The following PCMTD1 variants were observed in gnomAD, a reference collection of about 807,000 sequenced individuals.
The protein encoded by PCMTD1 is protein-L-isoaspartate (D-aspartate) O-methyltransferase domain containing 1, also known as protein-L-isoaspartate O-methyltransferase domain-containing protein 1.
PCMTD1 carries 12 observed loss-of-function variants against 37.6 expected under a neutral mutation model. The observed-to-expected ratio is 0.32, with a 90% CI of 0.20 to 0.52. PCMTD1 has a LOEUF of 0.52. Ranked by LOEUF, PCMTD1 falls within the 20% of genes least tolerant of loss-of-function variation. The pLI, the probability that PCMTD1 is intolerant of heterozygous loss-of-function variation, is 0.97. For missense variants in PCMTD1, 235 were observed against 421.3 expected, an observed-to-expected ratio of 0.56 and a Z score of 3.87; for synonymous variants, 117 against 135.8, an observed-to-expected ratio of 0.86 and a Z score of 0.96.
intron 2 of PCMTD1, among the ~76,000 whole-genome samples, chr8:51,854,691 A>C (rs1039160905): frequency 1.3e-5 from 2 of 152,040 alleles, no homozygotes; most frequent in African/African-American, 2.4e-5. Context: ...ATCTTGCCCA[A>C]CACAGTGAAA....
chr8:51,876,213 T>C (rs536200708), intron 1 of PCMTD1, among the ~76,000 whole-genome samples: 2 of 152,106 alleles, frequency 1.3e-5, no homozygotes, highest in African/African-American at 4.8e-5. Flanking sequence ...ACGCATAAAA[T>C]ACTTTTGATT....
chr8:51,879,579 T>A (rs1253859656), intron 1 of PCMTD1, among the ~76,000 whole-genome samples: 1 of 152,154 alleles, frequency 6.6e-6, no homozygotes, highest in African/African-American at 2.4e-5. Context: ...AATTTACAAG[T>A]CAACAGGTTC....
At chr8:51,848,373 C>A (rs1004705508) in intron 2 of PCMTD1, among the ~76,000 whole-genome samples, 4 of 151,588 alleles carry the variant, frequency 2.6e-5, no homozygotes, top group African/African-American at 9.7e-5. Flanking sequence ...TGCATAGATA[C>A]GAGATCAATT....
chr8:51,874,451 T>C (rs969290261), intron 1 of PCMTD1, among the ~76,000 whole-genome samples: 9 of 151,942 alleles, frequency 5.9e-5, no homozygotes, highest in Admixed American at 1.3e-4. Flanking sequence ...GTCCCAGAGA[T>C]AGTCTTTGCT....
intron 2 of PCMTD1, among the ~76,000 whole-genome samples, chr8:51,847,910 T>C: frequency 8.5e-6 from 1 of 117,526 alleles, no homozygotes; most frequent in East Asian, 2.4e-4. Context: ...AGGCTTCGTC[T>C]CTACAATAAA....
Position 51,860,934 on chromosome 8 carries a change from A to C in PCMTD1, c.218T>G (p.Met73Arg). ...TCCTGGTTGAAGTTTCAATGCTTCCATAACTTCAGAATAAATGCAAGGTGC... is the reference window on the plus strand; with the variant it reads ...TCCTGGTTGAAGTTTCAATGCTTCCCTAACTTCAGAATAAATGCAAGGTGC... ...LSAPCIYSEV[M>R]EALKLQPGLS... is the part of the protein sequence containing the mutation. Residue 73 changes from methionine (M) to arginine (R), a missense_variant, in exon 2 of 6, where the codon ATG (methionine) becomes AGG (arginine). Transcript: ENST00000522514. The C allele has an allele frequency of 6.2e-7, 1 of 1,614,110 alleles. No homozygotes were observed. The highest frequency in any genetic ancestry group is 8.5e-7 in the Non-Finnish European group (1 of 1,179,954).
intron 1 of PCMTD1, among the ~76,000 whole-genome samples, chr8:51,874,867 C>G (rs963546076): frequency 3.3e-5 from 5 of 152,160 alleles, no homozygotes; most frequent in African/African-American, 1.2e-4. Context: ...TATGAGGATT[C>G]AGGGACCATA....
At chr8:51,827,558 C>A (rs999201768) in intron 5 of PCMTD1, among the ~76,000 whole-genome samples, 3 of 152,134 alleles carry the variant, frequency 2.0e-5, no homozygotes, top group African/African-American at 7.2e-5. Flanking sequence ...GATAAAAACA[C>A]ATAATATATA....
intron 5 of PCMTD1, among the ~76,000 whole-genome samples, chr8:51,829,162 G>C (rs2037964069): frequency 6.6e-6 from 1 of 152,146 alleles, no homozygotes; most frequent in Non-Finnish European, 1.5e-5. Flanking sequence ...CACAGAATCA[G>C]ATCTATGACT....
chr8:51,865,229 A>G (rs1188020934), intron 1 of PCMTD1, among the ~76,000 whole-genome samples: 1 of 152,138 alleles, frequency 6.6e-6, no homozygotes, highest in Non-Finnish European at 1.5e-5. Flanking sequence ...AGATGCCTCA[A>G]GGTGGAATTA....
chr8:51,822,818 G>A lies in PCMTD1; in HGVS notation c.707-2100C>T, dbSNP rs72644316. Among the ~76,000 whole-genome samples, 424 of 152,310 alleles carry A rather than the reference G, an allele frequency of 2.8e-3. 1 individual carries two copies. The highest frequency in any genetic ancestry group is 5.2e-3 in the Non-Finnish European group (353 of 68,034). On this transcript the variant is annotated intron_variant, in intron 5 of 5. Transcript: ENST00000522514. ...ACTAAGCCTGAGAGGGCTCTGTAAA[G>A]GGACAGAGTGAAGAATAAATCTACC...
At chr8:51,829,811 A>C (rs2037974126) in intron 5 of PCMTD1, among the ~76,000 whole-genome samples, 1 of 152,150 alleles carries the variant, frequency 6.6e-6, no homozygotes, top group Admixed American at 6.5e-5. Context: ...TAGTTTTCAC[A>C]AACACCCAAA....
intron 2 of PCMTD1, among the ~76,000 whole-genome samples, chr8:51,853,079 G>GA (rs2038332327): frequency 6.6e-6 from 1 of 152,152 alleles, no homozygotes. Context: ...GTTACTTGAA[G>GA]AAAGACGAAA....
At chr8:51,867,350 A>G (rs2038569973) in intron 1 of PCMTD1, among the ~76,000 whole-genome samples, 1 of 152,002 alleles carries the variant, frequency 6.6e-6, no homozygotes, top group Non-Finnish European at 1.5e-5. Flanking sequence ...GTCTATATCC[A>G]AAAAGATTGA....
intron 1 of PCMTD1, chr8:51,870,191 C>T (rs1202468680): frequency 6.6e-6 from 1 of 152,222 alleles, no homozygotes; most frequent in Non-Finnish European, 1.5e-5. Context: ...CTTGCTGCTC[C>T]TTTCTCTGCA....
intron 1 of PCMTD1, among the ~76,000 whole-genome samples, chr8:51,878,649 G>A (rs1455272401): frequency 1.3e-5 from 2 of 152,114 alleles, no homozygotes; most frequent in African/African-American, 4.8e-5. Context: ...CTCAGGAAAT[G>A]GAGGTAGGAT....
chr8:51,824,954 T>C (rs1055467880), intron 5 of PCMTD1, among the ~76,000 whole-genome samples: 1 of 152,246 alleles, frequency 6.6e-6, no homozygotes, highest in African/African-American at 2.4e-5. Flanking sequence ...AAAGATTCCC[T>C]ATTTAATAAA....
At chr8:51,898,905 G>A (rs1359652170) in intron 1 of PCMTD1, 25 bp downstream of exon 1, 3 of 1,316,142 alleles carry the variant, frequency 2.3e-6, no homozygotes, top group African/African-American at 1.5e-5. Flanking sequence ...CCACGACCCC[G>A]AGCCCCCACT....
intron 2 of PCMTD1, among the ~76,000 whole-genome samples, chr8:51,846,780 CAG>C (rs1491303951): frequency 6.6e-6 from 1 of 152,166 alleles, no homozygotes; most frequent in Non-Finnish European, 1.5e-5. Context: ...AATGTTGAAA[CAG>C]TACATGTAAA....
Sources: gnomAD v4.1 joint callset for allele counts (sites outside exome capture counted in the v4.1 genomes callset) on GRCh38, gnomAD v4.1.1 for gene constraint, MANE v1.5 for transcripts, NCBI Gene and HGNC (gene_info 2026-07-23, HGNC 2026-07-21) for gene names.